The following TRIM71 variants were observed in gnomAD, a reference collection of about 807,000 sequenced individuals.
The protein encoded by TRIM71 is E3 ubiquitin-protein ligase TRIM71.
Under a neutral mutation model 61.2 loss-of-function variants are expected in TRIM71, and 9 were observed. The observed-to-expected ratio is 0.15, with a 90% CI of 0.09 to 0.26. The LOEUF is 0.26. TRIM71 is among the 10% of genes least tolerant of loss of function. The pLI is 1.00. For synonymous variants in TRIM71, 645 were observed against 553.2 expected (o/e 1.17, Z -2.33); for missense variants, 998 against 1,238.7 (o/e 0.81, Z 2.92).
rs774856545 is a variant in TRIM71 at position 32,874,036 on chromosome 3, T to A, written c.1020+51T>A. 1.3e-6 allele frequency: 2 copies of A among 1,536,698 alleles called. 1 individual carries two copies. The highest frequency in any genetic ancestry group is 4.5e-5 in the East Asian group (2 of 44,192). The stretch of plus-strand genomic sequence containing the variant: ...TTCCCACGTGAATCGAGCCCCCCTT[T>A]CTGTCGGGTGGCATGGACAGACAAT... On this transcript the variant is annotated intron_variant, in intron 2 of 3. Coordinates refer to ENST00000383763, the MANE Select transcript of TRIM71 (RefSeq NM_001039111.3).
At chr3:32,829,412 A>G (rs930258179) in intron 1 of TRIM71, among the ~76,000 whole-genome samples, 11 of 151,620 alleles carry the variant, frequency 7.3e-5, no homozygotes, top group Admixed American at 7.2e-4. Context: ...TCAAACTCCA[A>G]CCTCAGGTGA....
intron 1 of TRIM71, among the ~76,000 whole-genome samples, chr3:32,857,740 G>A (rs1036761897): frequency 3.9e-5 from 6 of 152,160 alleles, no homozygotes; most frequent in Admixed American, 1.3e-4. Context: ...GGAGGCCGAC[G>A]CAGGTGGATC....
intron 1 of TRIM71, among the ~76,000 whole-genome samples, chr3:32,829,626 T>TTGTGTGTGTGTGTGTG (rs10524029): frequency 0.016 from 2,425 of 148,722 alleles, 20 homozygotes; most frequent in East Asian, 0.039. Context: ...TGTCATGGTA[T>TTGTGTGTGTGTGTGTG]TGTGTGTGTG....
At chr3:32,883,894 A>G (rs902587027) in intron 2 of TRIM71, among the ~76,000 whole-genome samples, 1 of 152,226 alleles carries the variant, frequency 6.6e-6, no homozygotes, top group East Asian at 1.9e-4. Flanking sequence ...ACATTACAGA[A>G]ATGTGCTGTT....
At chr3:32,888,562 C>T (rs566744480) in intron 3 of TRIM71, among the ~76,000 whole-genome samples, 4 of 150,544 alleles carry the variant, frequency 2.7e-5, no homozygotes, top group Admixed American at 6.6e-5. Context: ...TGTTTTGAGA[C>T]GGAGTTTCGC....
chr3:32,847,632 T>A (rs1004245177), intron 1 of TRIM71, among the ~76,000 whole-genome samples: 4 of 152,264 alleles, frequency 2.6e-5, no homozygotes, highest in Non-Finnish European at 5.9e-5. Context: ...TACTGTATCC[T>A]TACATTTGGC....
chr3:32,833,832 A>T (rs1312713018), intron 1 of TRIM71, among the ~76,000 whole-genome samples: 1 of 152,100 alleles, frequency 6.6e-6, no homozygotes, highest in Non-Finnish European at 1.5e-5. Context: ...ACAGTGCTGC[A>T]TGGGGGCTAA....
chr3:32,831,145 GGTGGGGGACC>G (rs1397336409), intron 1 of TRIM71, among the ~76,000 whole-genome samples: 2 of 152,168 alleles, frequency 1.3e-5, no homozygotes, highest in Non-Finnish European at 2.9e-5. Context: ...TATAGATGGG[GGTGGGGGACC>G]GTGGGGGATT....
intron 1 of TRIM71, 125 bp downstream of exon 1, chr3:32,819,057 G>A (rs1477679495): frequency 1.4e-5 from 15 of 1,067,810 alleles, no homozygotes; most frequent in Non-Finnish European, 2.1e-5. Context: ...ATTTCCTTTG[G>A]CTACGTGGCA....
intron 1 of TRIM71, among the ~76,000 whole-genome samples, chr3:32,849,066 G>T (rs1380152158): frequency 6.6e-6 from 1 of 152,172 alleles, no homozygotes; most frequent in Non-Finnish European, 1.5e-5. Context: ...AGTCAGGGGA[G>T]CCTTAAGCTG....
chr3:32,839,451 C>T (rs1299515405), intron 1 of TRIM71, among the ~76,000 whole-genome samples: 2 of 151,720 alleles, frequency 1.3e-5, no homozygotes, highest in African/African-American at 2.4e-5. Flanking sequence ...AGGCTGGTCT[C>T]GAACTCCTGA....
At chr3:32,861,039 G>A (rs1244927760) in intron 1 of TRIM71, among the ~76,000 whole-genome samples, 2 of 151,816 alleles carry the variant, frequency 1.3e-5, no homozygotes, top group South Asian at 4.2e-4. Context: ...GCCAGGTGTT[G>A]TGGCACGTGC....
rs1401134346 is a variant in TRIM71, at chr3:32,890,716, C to T, written c.1512C>T (p.Ser504=). Residue 504 remains serine (S), a synonymous_variant, in exon 4 of 4, where the codon TCC becomes TCT. Coordinates refer to ENST00000383763, the MANE Select transcript of TRIM71 (RefSeq NM_001039111.3). This position sits in a 1 kb window ranked among gnomAD's most constrained non-coding sequence, Gnocchi z 6.2. ...LKRALQGKVA[S]FTVIGYDHDG... is the part of the protein sequence containing the mutation. ...GTGCCCTCCAGGGTAAGGTGGCCTC[C>T]TTCACAGTCATTGGTTATGACCACG... 1 of 1,614,094 alleles carries T rather than the reference C, an allele frequency of 6.2e-7. No individual in the cohort carries two copies. Among genetic ancestry groups the T allele is most frequent in the East Asian group, 2.2e-5 (1 of 44,884 alleles).
rs1697037685 is a variant in TRIM71 at position 32,892,454 on chromosome 3, T to C, written c.*643T>C. The C allele has an allele frequency of 6.6e-6, 1 of 152,276 alleles. No homozygotes were observed. The highest frequency in any genetic ancestry group is 6.5e-5 in the Admixed American group (1 of 15,288). The allele number at this position is 152,276 out of a possible 1,614,324, so 9.4% of individuals were successfully genotyped here. ...TCTGTTCTCTGTTTATACCTCAGTG[T>C]GTTTAACATCCTCTTCTGCATCGTT... is the stretch of plus-strand genomic sequence containing the variant. On this transcript the variant is annotated 3_prime_UTR_variant, in exon 4 of 4. Coordinates refer to ENST00000383763, the MANE Select transcript of TRIM71 (RefSeq NM_001039111.3).
At position 32,879,288 on chromosome 3, in the gene TRIM71, C is replaced by T. The variant is rs72852840; in HGVS notation, c.1020+5303C>T. Among the ~76,000 whole-genome samples the T allele has an allele frequency of 9.0e-3, 1,370 of 152,300 alleles. 23 individuals are homozygous for T. The highest frequency in any genetic ancestry group is 0.031 in the African/African-American group (1,281 of 41,560). On this transcript the variant is annotated intron_variant, in intron 2 of 3. Transcript: ENST00000383763. ...GCAATAAGTCTGTTTTGCCTCATTGCTGTTTGAGTGTTCACTGGAGTGAAC... is the reference window on the plus strand; with the variant it reads ...GCAATAAGTCTGTTTTGCCTCATTGTTGTTTGAGTGTTCACTGGAGTGAAC...
At chr3:32,852,759 T>TAAAA (rs36040321) in intron 1 of TRIM71, among the ~76,000 whole-genome samples, 11 of 133,920 alleles carry the variant, frequency 8.2e-5, no homozygotes, top group African/African-American at 2.6e-4. Context: ...TACTGTCTTT[T>TAAAA]AAAAAAAAAA....
chr3:32,865,201 C>T (rs1009270739), intron 1 of TRIM71, among the ~76,000 whole-genome samples: 1 of 152,050 alleles, frequency 6.6e-6, no homozygotes, highest in Admixed American at 6.6e-5. Flanking sequence ...TGGTGGCACG[C>T]GCCTGTAGTC....
chr3:32,851,603 C>G (rs558376941), intron 1 of TRIM71, among the ~76,000 whole-genome samples: 3 of 152,048 alleles, frequency 2.0e-5, no homozygotes, highest in Admixed American at 1.3e-4. Flanking sequence ...CTCAGCCTCC[C>G]GAGTAGCTGG....
rs761217015 is a variant in TRIM71 at position 32,889,898 on chromosome 3, G to GTA, written c.1156-461_1156-460insAT. ...GAGGCGTGCGTGTATGTGTGTGTGT[G>GTA]TGTATGTATGTATGTATGTATGTGT... is the stretch of plus-strand genomic sequence containing the variant. On this transcript the variant is annotated intron_variant, in intron 3 of 3. Transcript: ENST00000383763. Among the ~76,000 whole-genome samples the GTA allele has an allele frequency of 5.3e-5, 8 of 151,384 alleles. No individual in the cohort carries two copies. The East Asian group carries it at 5.8e-4, about 11-fold the overall frequency.
Sources: allele counts gnomAD v4.1 joint callset (sites outside exome capture counted in the v4.1 genomes callset), GRCh38; gene constraint gnomAD v4.1.1; non-coding constraint Gnocchi (gnomAD v3.1); transcripts MANE v1.5; gene names NCBI Gene and HGNC (gene_info 2026-07-23, HGNC 2026-07-21).